LYPD6: variants seen among roughly 807,000 people sequenced by gnomAD.
LYPD6 encodes LY6/PLAUR domain containing 6.
LYPD6 carries 15 observed loss-of-function variants against 22.7 expected under a neutral mutation model. That is an observed-to-expected ratio of 0.66 (90% CI 0.44 to 1.02). The LOEUF (loss-of-function observed/expected upper bound fraction) is 1.02. Among genes scored for constraint, LYPD6 ranks in the 50% least tolerant of loss-of-function variants. LYPD6 has a pLI of 0.00. For synonymous variants in LYPD6, 72 were observed against 77.5 expected, an observed-to-expected ratio of 0.93 and a Z score of 0.37; for missense variants, 189 against 208.4, an observed-to-expected ratio of 0.91 and a Z score of 0.57.
At chr2:149,379,553 A>G (rs1682012838) in intron 1 of LYPD6, among the ~76,000 whole-genome samples, 1 of 152,232 alleles carries the variant, frequency 6.6e-6, no homozygotes, top group Non-Finnish European at 1.5e-5. Flanking sequence ...GGAAGAATTT[A>G]TTCTCATGAT....
At chr2:149,363,520 A>T (rs543874823) in intron 1 of LYPD6, among the ~76,000 whole-genome samples, 3 of 152,262 alleles carry the variant, frequency 2.0e-5, no homozygotes, top group Non-Finnish European at 4.4e-5. Flanking sequence ...CATATATGCA[A>T]TTTATGTGTG....
intron 1 of LYPD6, among the ~76,000 whole-genome samples, chr2:149,410,223 T>C (rs1384755034): frequency 6.6e-6 from 1 of 152,230 alleles, no homozygotes; most frequent in African/African-American, 2.4e-5. Flanking sequence ...TCCTTTTTTA[T>C]TTTTCTCTTT....
intron 1 of LYPD6, among the ~76,000 whole-genome samples, chr2:149,409,443 C>T (rs1407057333): frequency 6.6e-6 from 1 of 152,166 alleles, no homozygotes; most frequent in East Asian, 1.9e-4. Flanking sequence ...GGAGGATGCA[C>T]ACTTGCCCTA....
chr2:149,484,114 C>T, the LYPD6 span, among the ~76,000 whole-genome samples: 1 of 152,184 alleles, frequency 6.6e-6, no homozygotes, highest in African/African-American at 2.4e-5. Context: ...TGCTCTCTTT[C>T]AACTGCTTAT....
intron 1 of LYPD6, among the ~76,000 whole-genome samples, chr2:149,373,842 TATGTA>T (rs1308408693): frequency 6.6e-6 from 1 of 152,236 alleles, no homozygotes; most frequent in Non-Finnish European, 1.5e-5. Context: ...TTAATTCTAT[TATGTA>T]ATGTAAAGAG....
intron 1 of LYPD6, among the ~76,000 whole-genome samples, chr2:149,411,283 A>G (rs1265656950): frequency 1.3e-5 from 2 of 151,866 alleles, no homozygotes; most frequent in African/African-American, 4.8e-5. Flanking sequence ...AGAATTCATC[A>G]TCTGGTAAAA....
intron 1 of LYPD6, among the ~76,000 whole-genome samples, chr2:149,377,649 ACACACCTATAGTT>A (rs1681955846): frequency 6.6e-6 from 1 of 152,158 alleles, no homozygotes; most frequent in Admixed American, 6.5e-5. Flanking sequence ...GTGTGGTGGC[ACACACCTATAGTT>A]CCAGCTACTC....
At chr2:149,356,062 G>T (rs1391324097) in intron 1 of LYPD6, among the ~76,000 whole-genome samples, 1 of 151,228 alleles carries the variant, frequency 6.6e-6, no homozygotes, top group Non-Finnish European at 1.5e-5. Context: ...AGGGACTTGA[G>T]AGCATTTAAT....
chr2:149,437,824 C>G lies in LYPD6; in HGVS notation c.116C>G (p.Ser39Ter). The G allele has an allele frequency of 6.2e-7, 1 of 1,613,996 alleles. No homozygotes were observed. Among genetic ancestry groups the G allele is most frequent in the Non-Finnish European group, 8.5e-7 (1 of 1,179,872 alleles). Residue 39 changes from serine (S) to a stop codon, truncating the protein, a stop_gained and splice_region_variant, in exon 2 of 5, where the codon TCA (serine) becomes TGA (stop). Coordinates refer to ENST00000334166, the MANE Select transcript of LYPD6 (RefSeq NM_194317.5). LOFTEE classifies it high-confidence loss of function. ...TVKDIIYLHPSTTPYPGGFKC... is the reference protein window; with the variant it reads ...TVKDIIYLHP Reference sequence around the variant, plus strand: ...AAAGACATTATCTACCTCCATCCTTCAAGTAAGACTGTTCTCTTTGCTGCA... The same window carrying G: ...AAAGACATTATCTACCTCCATCCTTGAAGTAAGACTGTTCTCTTTGCTGCA...
chr2:149,438,243 C>A (rs1573808248), intron 2 of LYPD6, among the ~76,000 whole-genome samples: 1 of 152,248 alleles, frequency 6.6e-6, no homozygotes, highest in Non-Finnish European at 1.5e-5. Context: ...CCTCCCACAA[C>A]TTCCAATGTC....
At position 149,472,914 on chromosome 2, in the gene LYPD6, TTA is replaced by T. The variant is rs1422744140; in HGVS notation, c.*2066_*2067del. The T allele has an allele frequency of 6.6e-6, 1 of 152,652 alleles. No homozygotes were observed. The highest frequency in any genetic ancestry group is 1.9e-4 in the East Asian group (1 of 5,194). The allele number at this position is 152,652 out of a possible 1,614,324, so 9.5% of individuals were successfully genotyped here. ...CTGACTTCATAGGAATTCATCCATC[TTA>T]TCATGTGGAGTTTATCTCACCCTGC... is the stretch of plus-strand genomic sequence containing the variant. On this transcript the variant is annotated 3_prime_UTR_variant, in exon 5 of 5. Transcript: ENST00000334166.
chr2:149,404,868 G>T (rs1472642086), intron 1 of LYPD6, among the ~76,000 whole-genome samples: 2 of 152,248 alleles, frequency 1.3e-5, no homozygotes, highest in African/African-American at 2.4e-5. Flanking sequence ...TTGGCTGTGG[G>T]TTTGTCATAG....
rs185094304 is a variant in LYPD6, at chr2:149,460,048, A to G, written c.218-8597A>G. Among the ~76,000 whole-genome samples the G allele has an allele frequency of 7.4e-4, 113 of 152,316 alleles. 1 individual carries two copies. The highest frequency in any genetic ancestry group is 2.7e-3 in the African/African-American group (113 of 41,572). ...ATATAATTTAATACCTAGCGCAACA[A>G]TTTTAAAAAGAGATATACTCAAAAG... On this transcript the variant is annotated intron_variant, in intron 3 of 4. Transcript: ENST00000334166.
chr2:149,351,528 G>A (rs960022383), intron 1 of LYPD6, among the ~76,000 whole-genome samples: 6 of 151,976 alleles, frequency 3.9e-5, no homozygotes, highest in Non-Finnish European at 7.4e-5. Context: ...TTGAAAGTGA[G>A]AATTCTGTGA....
chr2:149,394,908 A>T (rs1480362812), intron 1 of LYPD6, among the ~76,000 whole-genome samples: 1 of 152,188 alleles, frequency 6.6e-6, no homozygotes, highest in South Asian at 2.1e-4. Context: ...GGTATTTGTC[A>T]TGTGCCCAGG....
At chr2:149,398,669 G>T (rs957029176) in intron 1 of LYPD6, among the ~76,000 whole-genome samples, 1 of 152,056 alleles carries the variant, frequency 6.6e-6, no homozygotes, top group African/African-American at 2.4e-5. Context: ...GGTTGTTGCT[G>T]TTCACAGTTC....
intron 1 of LYPD6, among the ~76,000 whole-genome samples, chr2:149,334,057 G>A (rs1680987144): frequency 6.6e-6 from 1 of 152,034 alleles, no homozygotes; most frequent in African/African-American, 2.4e-5. Context: ...AGAAAAACAA[G>A]TCTTGTACCC....
chr2:149,460,339 G>T (rs958946040), intron 3 of LYPD6, among the ~76,000 whole-genome samples: 1 of 94,532 alleles, frequency 1.1e-5, no homozygotes, highest in Non-Finnish European at 2.6e-5. Flanking sequence ...AGATAGTAGG[G>T]AAACATTAAT....
chr2:149,387,857 A>G (rs1682221566), intron 1 of LYPD6, among the ~76,000 whole-genome samples: 1 of 152,206 alleles, frequency 6.6e-6, no homozygotes. Context: ...CATAAAACCA[A>G]GGCTCATCCA....
Sources: gnomAD v4.1 joint callset for allele counts (sites outside exome capture counted in the v4.1 genomes callset) on GRCh38, gnomAD v4.1.1 for gene constraint, MANE v1.5 for transcripts, NCBI Gene and HGNC (gene_info 2026-07-23, HGNC 2026-07-21) for gene names.